Variants in ADPRM observed in about 807,000 individuals in gnomAD.
The protein encoded by ADPRM is manganese-dependent ADP-ribose/CDP-alcohol diphosphatase.
ADPRM carries 17 observed loss-of-function variants against 27.2 expected under a neutral mutation model. The ratio of observed to expected loss-of-function variants is 0.63; its 90% CI spans 0.43 to 0.94. The LOEUF is 0.94. Among genes scored for constraint, ADPRM ranks in the 40% least tolerant of loss-of-function variants. The pLI is 0.00. For missense variants in ADPRM, 337 were observed against 412.8 expected (o/e 0.82, Z 1.59); for synonymous variants, 135 against 145.3 (o/e 0.93, Z 0.51).
At position 10,711,323 on chromosome 17, in the gene ADPRM, T is replaced by C; in HGVS notation, c.*179T>C. 1.6e-6 allele frequency: 1 copy of C among 625,266 alleles called. No individual in the cohort carries two copies. Among genetic ancestry groups the C allele is most frequent in the Non-Finnish European group, 2.7e-6 (1 of 370,362 alleles). 38.7% of individuals were successfully genotyped at this position (625,266 alleles called of 1,614,324 possible). ...ATGTTATTTTGGATCATGTATCCAT[T>C]GTAAGTTAGAAACAAACCAGGGAGG... On this transcript the variant is annotated 3_prime_UTR_variant, in exon 4 of 4. Coordinates refer to ENST00000379774, the MANE Select transcript of ADPRM (RefSeq NM_020233.5).
At chr17:10,706,627 CAA>C in intron 3 of ADPRM, 73 bp downstream of exon 3, 1 of 1,097,656 alleles carries the variant, frequency 9.1e-7, no homozygotes. Flanking sequence ...AGCATACTAA[CAA>C]TATTTGTGTT....
intron 1 of ADPRM, among the ~76,000 whole-genome samples, chr17:10,704,292 TTTG>T (rs1157882198): frequency 2.0e-5 from 3 of 152,254 alleles, no homozygotes; most frequent in South Asian, 2.1e-4. Flanking sequence ...GTGCTGGATT[TTTG>T]TTGTTGTTTA....
At position 10,711,460 on chromosome 17, in the gene ADPRM, T is replaced by C. The variant is rs1163106573; in HGVS notation, c.*316T>C. ...TTTTTACAAGGAGATTGTATTCACA[T>C]GTGTTAACTATGTAACTTCAAGTTC... is the stretch of plus-strand genomic sequence containing the variant. On this transcript the variant is annotated 3_prime_UTR_variant, in exon 4 of 4. Transcript: ENST00000379774. Among the ~76,000 whole-genome samples the C allele has an allele frequency of 2.0e-5, 3 of 152,236 alleles. No individual in the cohort carries two copies. The highest frequency in any genetic ancestry group is 4.8e-5 in the African/African-American group (2 of 41,462).
At position 10,706,422 on chromosome 17, in the gene ADPRM, AC is replaced by A; in HGVS notation, c.602-15del. On this transcript the variant is annotated splice_polypyrimidine_tract_variant and intron_variant, in intron 2 of 3. Coordinates refer to ENST00000379774, the MANE Select transcript of ADPRM (RefSeq NM_020233.5). ...AAAAATGACTTGATGGGGCTAACTT[AC>A]TGAATTCATTTCAGGACTTTCTGAG... 1 of 1,566,732 alleles carries A rather than the reference AC, an allele frequency of 6.4e-7. No homozygotes were observed. Among genetic ancestry groups the A allele is most frequent in the South Asian group, 1.2e-5 (1 of 85,384 alleles).
intron 1 of ADPRM, among the ~76,000 whole-genome samples, chr17:10,704,486 C>CAA (rs201571510): frequency 8.2e-4 from 63 of 76,564 alleles, no homozygotes; most frequent in East Asian, 1.8e-3. Context: ...CACAGCTTTC[C>CAA]AAAAAAAAAA....
intron 2 of ADPRM, 55 bp from the exon 3 acceptor site, chr17:10,706,383 G>A: frequency 8.0e-7 from 1 of 1,254,744 alleles, no homozygotes; most frequent in Non-Finnish European, 1.1e-6. Flanking sequence ...AAATTTGAAT[G>A]TCCAAATGAG....
chr17:10,700,374 C>T (rs1187873205), intron 1 of ADPRM, among the ~76,000 whole-genome samples: 1 of 152,112 alleles, frequency 6.6e-6, no homozygotes, highest in Non-Finnish European at 1.5e-5. Context: ...AGTAATTAAG[C>T]ATCCTTGGGT....
chr17:10,709,101 T>C (rs1597517778), intron 3 of ADPRM, among the ~76,000 whole-genome samples: 1 of 152,356 alleles, frequency 6.6e-6, no homozygotes, highest in Non-Finnish European at 1.5e-5. Flanking sequence ...CTTTTTAACT[T>C]TCATTATGGC....
intron 1 of ADPRM, among the ~76,000 whole-genome samples, chr17:10,700,736 C>T (rs2151461535): frequency 6.7e-6 from 1 of 150,270 alleles, no homozygotes; most frequent in East Asian, 2.0e-4. Context: ...TGCACTCCAG[C>T]TTGCGCAGTA....
At chr17:10,706,675 TA>T in intron 3 of ADPRM, 121 bp downstream of exon 3, 1 of 599,560 alleles carries the variant, frequency 1.7e-6, no homozygotes, top group Non-Finnish European at 2.6e-6. Context: ...ACACTTAGTT[TA>T]AAAATTTCTA....
At chr17:10,710,734 AT>A (rs3215180) in intron 3 of ADPRM, 99 bp from the exon 4 acceptor site, 478,466 of 1,097,706 alleles carry the variant, frequency 0.44, 106,959 homozygotes, top group African/African-American at 0.65. Context: ...TGAGATAGCA[AT>A]TTTTTTTTCT....
At position 10,705,318 on chromosome 17, in the gene ADPRM, TAGA is replaced by T; in HGVS notation, c.396_398del (p.Glu132del). On this transcript the variant is annotated inframe_deletion, in exon 2 of 4. Coordinates refer to ENST00000379774, the MANE Select transcript of ADPRM (RefSeq NM_020233.5). The surrounding 1 kb of genome is among the most constrained non-coding windows in gnomAD (Gnocchi z 5.4). ...CACTCTAAACTTAACACTAAGTTTC[TAGA>T]AGATCAGATTGTACATCATCCTGAG... 6.2e-7 allele frequency: 1 copy of T among 1,613,976 alleles called. No individual in the cohort carries two copies.
intron 1 of ADPRM, among the ~76,000 whole-genome samples, chr17:10,704,605 CA>C (rs1191420692): frequency 6.6e-6 from 1 of 151,720 alleles, no homozygotes; most frequent in Non-Finnish European, 1.5e-5. Flanking sequence ...TAAAAATTAG[CA>C]ATTATTCCAG....
chr17:10,703,410 T>C (rs779734561), intron 1 of ADPRM, among the ~76,000 whole-genome samples: 20 of 152,216 alleles, frequency 1.3e-4, no homozygotes, highest in Non-Finnish European at 2.2e-4. Context: ...TTTCCATCTC[T>C]TTCTGGTGCT....
chr17:10,704,377 G>C (rs944603290), intron 1 of ADPRM, among the ~76,000 whole-genome samples: 1 of 151,452 alleles, frequency 6.6e-6, no homozygotes, highest in African/African-American at 2.4e-5. Flanking sequence ...TGAGAAACTG[G>C]GTGACCTACC....
At chr17:10,699,525 T>C (rs1038281870) in intron 1 of ADPRM, among the ~76,000 whole-genome samples, 26 of 144,526 alleles carry the variant, frequency 1.8e-4, no homozygotes, top group African/African-American at 4.8e-4. Flanking sequence ...TTTCTTTTTT[T>C]TTTTTTTTTT....
At chr17:10,701,224 G>T (rs1447810162) in intron 1 of ADPRM, among the ~76,000 whole-genome samples, 1 of 152,066 alleles carries the variant, frequency 6.6e-6, no homozygotes, top group African/African-American at 2.4e-5. Context: ...CTAAAAACTT[G>T]CCATTCTCCT....
chr17:10,709,143 T>C (rs1347805712), intron 3 of ADPRM, among the ~76,000 whole-genome samples: 1 of 152,202 alleles, frequency 6.6e-6, no homozygotes, highest in Non-Finnish European at 1.5e-5. Flanking sequence ...CTTTTGAATT[T>C]TGGCCGTGCA....
chr17:10,705,802 G>T lies in ADPRM; in HGVS notation c.601+275G>T. ...TAACAATATTACTTTTTTGATGGATGGAATGGAGGGAACAAACACAGTACG... is the reference window on the plus strand; with the variant it reads ...TAACAATATTACTTTTTTGATGGATTGAATGGAGGGAACAAACACAGTACG... On this transcript the variant is annotated intron_variant, in intron 2 of 3. Transcript: ENST00000379774. This position sits in a 1 kb window ranked among gnomAD's most constrained non-coding sequence, Gnocchi z 5.4. 1 of 434,100 alleles carries T rather than the reference G, an allele frequency of 2.3e-6. No homozygotes were observed. Among genetic ancestry groups the T allele is most frequent in the Non-Finnish European group, 4.2e-6 (1 of 237,852 alleles). 26.9% of individuals were successfully genotyped at this position (434,100 alleles called of 1,614,324 possible).
Sources: allele counts gnomAD v4.1 joint callset (sites outside exome capture counted in the v4.1 genomes callset), GRCh38; gene constraint gnomAD v4.1.1; non-coding constraint Gnocchi (gnomAD v3.1); transcripts MANE v1.5; gene names NCBI Gene and HGNC (gene_info 2026-07-23, HGNC 2026-07-21).